The following C11orf54 variants were observed in gnomAD, a reference collection of about 807,000 sequenced individuals.
C11orf54 encodes the protein beta-keto L-gulonate decarboxylase.
C11orf54 carries 29 observed loss-of-function variants against 35.5 expected under a neutral mutation model. That is an observed-to-expected ratio of 0.82 (90% CI 0.61 to 1.11). The LOEUF (loss-of-function observed/expected upper bound fraction) is 1.11. Among genes scored for constraint, C11orf54 ranks in the 50% most tolerant of loss-of-function variants. The pLI is 0.00. For missense variants in C11orf54, 373 were observed against 369.2 expected (o/e 1.01, Z -0.08); for synonymous variants, 108 against 121.1 (o/e 0.89, Z 0.71).
At chr11:93,758,159 C>T (rs1314332383) in intron 7 of C11orf54, among the ~76,000 whole-genome samples, 1 of 152,152 alleles carries the variant, frequency 6.6e-6, no homozygotes, top group Non-Finnish European at 1.5e-5. Context: ...CTCTCTGGAG[C>T]GGCTGCAGCA....
chr11:93,749,935 G>T (rs537864293), intron 2 of C11orf54, among the ~76,000 whole-genome samples: 1 of 152,206 alleles, frequency 6.6e-6, no homozygotes, highest in African/African-American at 2.4e-5. Flanking sequence ...AAGTAATATT[G>T]TATGTAGTGT....
intron 7 of C11orf54, 128 bp downstream of exon 7, chr11:93,757,593 A>G (rs1943223372): frequency 9.7e-7 from 1 of 1,035,514 alleles, no homozygotes; most frequent in Non-Finnish European, 1.4e-6. Flanking sequence ...GTAGTGGCAC[A>G]ATCTTGGCTC....
chr11:93,752,502 A>G (rs1942891710), intron 3 of C11orf54, among the ~76,000 whole-genome samples: 1 of 151,938 alleles, frequency 6.6e-6, no homozygotes, highest in South Asian at 2.1e-4. Flanking sequence ...CCTAGGTTCT[A>G]TCTTCTCTAT....
At chr11:93,751,018 G>A (rs1214601451) in intron 3 of C11orf54, among the ~76,000 whole-genome samples, 2 of 152,148 alleles carry the variant, frequency 1.3e-5, no homozygotes, top group Non-Finnish European at 2.9e-5. Flanking sequence ...CTGAAAACGA[G>A]AGAGGCTAGA....
chr11:93,757,826 G>A (rs1236218709), intron 7 of C11orf54, among the ~76,000 whole-genome samples: 2 of 152,136 alleles, frequency 1.3e-5, no homozygotes, highest in African/African-American at 4.8e-5. Context: ...GCTGCACCGG[G>A]CCAGATCTTA....
At chr11:93,746,640 A>G (rs892110302) in intron 1 of C11orf54, 14 of 152,350 alleles carry the variant, frequency 9.2e-5, no homozygotes, top group African/African-American at 2.9e-4. Context: ...TTACCAAGAA[A>G]GTATGTTTAT....
intron 7 of C11orf54, among the ~76,000 whole-genome samples, chr11:93,758,959 T>C (rs578104006): frequency 7.9e-5 from 12 of 152,284 alleles, no homozygotes; most frequent in African/African-American, 2.9e-4. Flanking sequence ...ACTGTGATCA[T>C]CCCACTGCAC....
intron 3 of C11orf54, among the ~76,000 whole-genome samples, chr11:93,752,697 T>C (rs1591349604): frequency 6.6e-6 from 1 of 151,932 alleles, no homozygotes; most frequent in African/African-American, 2.4e-5. Context: ...TTTTAATTAC[T>C]ACCTGAATAT....
intron 1 of C11orf54, among the ~76,000 whole-genome samples, chr11:93,744,435 TACTGCC>T (rs1197236285): frequency 6.6e-6 from 1 of 152,238 alleles, no homozygotes; most frequent in African/African-American, 2.4e-5. Context: ...TTCTTATTCC[TACTGCC>T]AGCAAAAATA....
chr11:93,751,756 T>G (rs904529688), intron 3 of C11orf54, among the ~76,000 whole-genome samples: 1 of 151,122 alleles, frequency 6.6e-6, no homozygotes, highest in Non-Finnish European at 1.5e-5. Flanking sequence ...AATTAAGTAA[T>G]TAACTAAAAT....
chr11:93,758,889 G>C (rs1854655667), intron 7 of C11orf54, among the ~76,000 whole-genome samples: 1 of 152,224 alleles, frequency 6.6e-6, no homozygotes, highest in African/African-American at 2.4e-5. Flanking sequence ...CTGAAGGCTG[G>C]GGGCCCAGCT....
intron 2 of C11orf54, among the ~76,000 whole-genome samples, chr11:93,748,625 C>G (rs957298635): frequency 6.6e-6 from 1 of 152,010 alleles, no homozygotes; most frequent in East Asian, 1.9e-4. Context: ...CACTTGAGGT[C>G]AGGAGTTCAA....
intron 8 of C11orf54, among the ~76,000 whole-genome samples, chr11:93,760,957 C>A (rs1328200023): frequency 6.6e-6 from 1 of 152,094 alleles, no homozygotes; most frequent in Non-Finnish European, 1.5e-5. Context: ...CTCCGCCTAC[C>A]CTGGTCATAT....
intron 3 of C11orf54, among the ~76,000 whole-genome samples, chr11:93,752,196 GT>G (rs1942871249): frequency 6.6e-6 from 1 of 152,038 alleles, no homozygotes; most frequent in Non-Finnish European, 1.5e-5. Flanking sequence ...TGGAAGAAGT[GT>G]TTTCTGGTCA....
At chr11:93,743,257 TC>T (rs1942240548) in intron 1 of C11orf54, among the ~76,000 whole-genome samples, 1 of 152,104 alleles carries the variant, frequency 6.6e-6, no homozygotes, top group Non-Finnish European at 1.5e-5. Flanking sequence ...TGCCTCGGCC[TC>T]CCAAAGTGCT....
chr11:93,747,871 C>CA (rs1198158258), intron 2 of C11orf54, among the ~76,000 whole-genome samples: 1 of 152,126 alleles, frequency 6.6e-6, no homozygotes, highest in Admixed American at 6.5e-5. Context: ...AATTCCCCCC[C>CA]ACCACTGATA....
intron 7 of C11orf54, among the ~76,000 whole-genome samples, chr11:93,759,536 A>G (rs1001566894): frequency 6.6e-6 from 1 of 152,164 alleles, no homozygotes; most frequent in Non-Finnish European, 1.5e-5. Context: ...TAGGAGAAAT[A>G]CCTAATGTAG....
In C11orf54 at chr11:93,753,728, C is replaced by CT; in HGVS notation, c.203dup (p.Leu68PhefsTer12). ...TTGCAGAAGTTGGAGGTGTGCCTTA[C>CT]TTATTGCCTCTTGTAAACCAAAAAA... On this transcript the variant is annotated frameshift_variant, in exon 4 of 9. Coordinates refer to ENST00000354421, the MANE Select transcript of C11orf54 (RefSeq NM_001286069.2). LOFTEE classifies it high-confidence loss of function. 3 of 1,613,942 alleles carry CT rather than the reference C, an allele frequency of 1.9e-6. No homozygotes were observed. Among genetic ancestry groups the CT allele is most frequent in the Non-Finnish European group, 2.5e-6 (3 of 1,179,974 alleles).
chr11:93,750,242 A>G (rs1391932945), intron 2 of C11orf54, 104 bp from the exon 3 acceptor site: 6 of 760,622 alleles, frequency 7.9e-6, no homozygotes, highest in Non-Finnish European at 1.3e-5. Context: ...TTTTTATTAT[A>G]CAAGTTGAGA....
Sources: allele counts gnomAD v4.1 joint callset (sites outside exome capture counted in the v4.1 genomes callset), GRCh38; gene constraint gnomAD v4.1.1; transcripts MANE v1.5; gene names NCBI Gene and HGNC (gene_info 2026-07-23, HGNC 2026-07-21).